Variants in ITGB1BP1 observed in about 807,000 individuals in gnomAD.
ITGB1BP1 encodes the protein integrin subunit beta 1 binding protein 1, also known as integrin beta-1-binding protein 1.
In ITGB1BP1, 20 loss-of-function variants were observed where a neutral mutation model predicts 28.0. The observed-to-expected ratio is 0.71, with a 90% confidence interval of 0.50 to 1.04. ITGB1BP1 has a LOEUF of 1.04. Among genes scored for constraint, ITGB1BP1 ranks in the 50% least tolerant of loss-of-function variants. ITGB1BP1 has a pLI of 0.00. For missense variants in ITGB1BP1, 228 were observed against 242.5 expected, an observed-to-expected ratio of 0.94 and a Z score of 0.40; for synonymous variants, 103 against 89.5, an observed-to-expected ratio of 1.15 and a Z score of -0.85.
chr2:9,421,761 G>A (rs1472350884), intron 1 of ITGB1BP1, among the ~76,000 whole-genome samples: 1 of 151,810 alleles, frequency 6.6e-6, no homozygotes, highest in Non-Finnish European at 1.5e-5. Context: ...ATGCTCCGCA[G>A]GCTCATCAAA....
chr2:9,422,675 G>C, intron 1 of ITGB1BP1: 1 of 985,610 alleles, frequency 1.0e-6, no homozygotes, highest in Non-Finnish European at 1.2e-6. Flanking sequence ...CAGGGGACGC[G>C]CTTACTGAAG....
intron 4 of ITGB1BP1, 122 bp from the exon 5 acceptor site, chr2:9,408,327 CATT>C: frequency 1.6e-6 from 1 of 640,772 alleles, no homozygotes; most frequent in Admixed American, 2.7e-5. Context: ...GTGGGGTACA[CATT>C]AGCCAGGCAA....
At chr2:9,408,291 T>C (rs1677823867) in intron 4 of ITGB1BP1, 86 bp from the exon 5 acceptor site, 1 of 809,068 alleles carries the variant, frequency 1.2e-6, no homozygotes, top group Non-Finnish European at 2.2e-6. Flanking sequence ...TATCTGGCCA[T>C]CGCAAGCCCA....
In ITGB1BP1 at chr2:9,406,583, G is replaced by A; in HGVS notation, c.*251C>T. On this transcript the variant is annotated 3_prime_UTR_variant, in exon 7 of 7. Transcript: ENST00000355346. ...ACACCTAGGCTTCTGTGACACTTAG[G>A]TTAAGCTTATTAGAAGTTGAAAAAG... is the stretch of plus-strand genomic sequence containing the variant. 1 of 488,488 alleles carries A rather than the reference G, an allele frequency of 2.0e-6. No individual in the cohort carries two copies. Among genetic ancestry groups the A allele is most frequent in the South Asian group, 2.2e-5 (1 of 44,518 alleles). The allele number at this position is 488,488 out of a possible 1,614,324, so 30.3% of individuals were successfully genotyped here. A position where few individuals can be genotyped will look rare whatever the true frequency, so the allele number is the denominator to read the frequency against.
At chr2:9,421,686 C>CA (rs200781388) in intron 1 of ITGB1BP1, among the ~76,000 whole-genome samples, 3,187 of 78,616 alleles carry the variant, frequency 0.041, 56 homozygotes, top group South Asian at 0.093. Context: ...GACTCCGTCT[C>CA]AAAAAAAAAA....
intron 5 of ITGB1BP1, chr2:9,407,905 G>GT: frequency 1.8e-6 from 1 of 564,888 alleles, no homozygotes; most frequent in Non-Finnish European, 3.1e-6. Context: ...GGTGGGGGGG[G>GT]CAGGTTGCAT....
chr2:9,407,531 G>GC lies in ITGB1BP1; in HGVS notation c.448dup (p.Ala150GlyfsTer16). On this transcript the variant is annotated frameshift_variant, in exon 6 of 7. Coordinates refer to ENST00000355346, the MANE Select transcript of ITGB1BP1 (RefSeq NM_004763.5). LOFTEE classifies it high-confidence loss of function. ...CTTCAGAGCCAGTAAGCTTTTTCCC[G>GC]CCCCCAGACCGTCATCGTAACACAC... The GC allele has an allele frequency of 6.2e-7, 1 of 1,613,984 alleles. No individual in the cohort carries two copies. The highest frequency in any genetic ancestry group is 8.5e-7 in the Non-Finnish European group (1 of 1,179,992).
At chr2:9,408,493 G>A in intron 4 of ITGB1BP1, 1 of 275,742 alleles carries the variant, frequency 3.6e-6, no homozygotes, top group South Asian at 5.5e-5. Context: ...GTTCAAGTGA[G>A]CACATCCGGC....
At chr2:9,422,131 C>T (rs1486516105) in intron 1 of ITGB1BP1, among the ~76,000 whole-genome samples, 1 of 152,154 alleles carries the variant, frequency 6.6e-6, no homozygotes, top group Non-Finnish European at 1.5e-5. Context: ...GGATAAGGGA[C>T]CTTGTCCTAC....
rs114173607 is a variant in ITGB1BP1, at chr2:9,404,745, T to C, written c.*2089A>G. On this transcript the variant is annotated 3_prime_UTR_variant, in exon 7 of 7. Transcript: ENST00000355346. ...ATGCAAGACTGTGTAGAGTTTTTTT[T>C]TTTTTTGGCATTGTACTTTTTGTTT... The C allele has an allele frequency of 0.09, 13,733 of 152,612 alleles. 629 individuals are homozygous for C. The highest frequency in any genetic ancestry group is 0.1 in the Non-Finnish European group (7,010 of 67,990). 9.5% of individuals were successfully genotyped at this position (152,612 alleles called of 1,614,324 possible). A position where few individuals can be genotyped will look rare whatever the true frequency, so the allele number is the denominator to read the frequency against.
At chr2:9,417,904 C>A (rs1009452672) in intron 2 of ITGB1BP1, among the ~76,000 whole-genome samples, 1 of 152,118 alleles carries the variant, frequency 6.6e-6, no homozygotes, top group South Asian at 2.1e-4. Flanking sequence ...AATTTCTTCC[C>A]TCTCCCTAAC....
At chr2:9,409,919 A>G (rs1678111781) in intron 4 of ITGB1BP1, among the ~76,000 whole-genome samples, 1 of 142,082 alleles carries the variant, frequency 7.0e-6, no homozygotes, top group Non-Finnish European at 1.5e-5. Flanking sequence ...ATCTCGGCTC[A>G]CTGCAACCTC....
At chr2:9,412,168 C>A in intron 4 of ITGB1BP1, 101 bp downstream of exon 4, 1 of 964,880 alleles carries the variant, frequency 1.0e-6, no homozygotes, top group Non-Finnish European at 1.6e-6. Context: ...GCAAGCGGAG[C>A]GGCACCCAGT....
At chr2:9,422,296 C>T (rs1572749738) in intron 1 of ITGB1BP1, among the ~76,000 whole-genome samples, 1 of 152,234 alleles carries the variant, frequency 6.6e-6, no homozygotes, top group South Asian at 2.1e-4. Context: ...CAGCACGACA[C>T]GCCAGGTCCT....
At chr2:9,412,020 C>T (rs1270043559) in intron 4 of ITGB1BP1, 1 of 352,030 alleles carries the variant, frequency 2.8e-6, no homozygotes, top group Non-Finnish European at 4.8e-6. Flanking sequence ...CCAGCCTGGG[C>T]AACAAAAGCG....
intron 4 of ITGB1BP1, among the ~76,000 whole-genome samples, chr2:9,411,709 C>T (rs1390044352): frequency 7.6e-6 from 1 of 131,630 alleles, no homozygotes; most frequent in Admixed American, 7.6e-5. Flanking sequence ...GGCGACAGAC[C>T]GAGACTCCAT....
At chr2:9,407,688 G>T in intron 5 of ITGB1BP1, 90 bp from the exon 6 acceptor site, 1 of 1,420,942 alleles carries the variant, frequency 7.0e-7, no homozygotes, top group Non-Finnish European at 9.7e-7. Context: ...AGTGAGGCTT[G>T]AAACAGCATA....
At chr2:9,411,067 C>T (rs966768153) in intron 4 of ITGB1BP1, among the ~76,000 whole-genome samples, 1 of 152,104 alleles carries the variant, frequency 6.6e-6, no homozygotes, top group Non-Finnish European at 1.5e-5. Context: ...ACCGAATTCA[C>T]TCTTTTGGCT....
Position 9,415,988 on chromosome 2 carries a change from G to A in ITGB1BP1, c.73-1732C>T, listed in dbSNP as rs760458762. Among the ~76,000 whole-genome samples, 3 of 152,208 alleles carry A rather than the reference G, an allele frequency of 2.0e-5. No homozygotes were observed. The highest frequency in any genetic ancestry group is 6.5e-5 in the Admixed American group (1 of 15,282). On this transcript the variant is annotated intron_variant, in intron 2 of 6. Coordinates refer to ENST00000355346, the MANE Select transcript of ITGB1BP1 (RefSeq NM_004763.5). The surrounding 1 kb of genome is among the most constrained non-coding windows in gnomAD (Gnocchi z 4.1). ...GGGGCCTTGTGCGACCCTGCGAGAC[G>A]CCTCCTTCTGTGCTGTGCCTCACCC...
Sources: gnomAD v4.1 joint callset for allele counts (sites outside exome capture counted in the v4.1 genomes callset) on GRCh38, gnomAD v4.1.1 for gene constraint, Gnocchi (gnomAD v3.1) non-coding constraint, MANE v1.5 for transcripts, NCBI Gene and HGNC (gene_info 2026-07-23, HGNC 2026-07-21) for gene names.